The following IL1RAPL2 variants were observed in gnomAD, a reference collection of about 807,000 sequenced individuals.
The protein encoded by IL1RAPL2 is interleukin 1 receptor accessory protein like 2, also known as X-linked interleukin-1 receptor accessory protein-like 2.
A neutral mutation model predicts 44.1 loss-of-function variants in IL1RAPL2; 3 were observed. The ratio of observed to expected loss-of-function variants is 0.07; its 90% CI spans 0.03 to 0.18. The LOEUF (loss-of-function observed/expected upper bound fraction) is 0.18, where lower values mean the gene tolerates loss of function less well. Among genes scored for constraint, IL1RAPL2 ranks in the 10% least tolerant of loss-of-function variants. The probability of loss-of-function intolerance (pLI) is 1.00; values close to 1 mark genes in which losing one functional copy is unlikely to be tolerated. For missense variants in IL1RAPL2, 391 were observed against 496.4 expected, an observed-to-expected ratio of 0.79 and a Z score of 2.02; for synonymous variants, 181 against 178.8, an observed-to-expected ratio of 1.01 and a Z score of -0.10.
chrX:104,951,024 G>A (rs1333887515), intron 2 of IL1RAPL2, among the ~76,000 whole-genome samples: 1 of 111,916 alleles, frequency 8.9e-6, no homozygotes, highest in Non-Finnish European at 1.9e-5. Flanking sequence ...GCAATGCCTC[G>A]CCCTGCTTCG....
At chrX:105,177,723 C>T (rs770464653) in intron 2 of IL1RAPL2, among the ~76,000 whole-genome samples, 2 of 111,900 alleles carry the variant, frequency 1.8e-5, no homozygotes, top group Non-Finnish European at 3.8e-5. Context: ...GCTCTACTCC[C>T]TCTTTTAAGT....
intron 6 of IL1RAPL2, among the ~76,000 whole-genome samples, chrX:105,600,714 T>C (rs982353301): frequency 9.1e-6 from 1 of 109,633 alleles, no homozygotes; most frequent in Non-Finnish European, 1.9e-5. Context: ...TAATGAATAA[T>C]ATTTATATAG....
intron 2 of IL1RAPL2, among the ~76,000 whole-genome samples, chrX:104,914,506 ATTC>A (rs1429926659): frequency 3.6e-5 from 4 of 112,190 alleles, no homozygotes; most frequent in Admixed American, 1.9e-4. Context: ...CTGGAAAGAT[ATTC>A]TTCTATTGTT....
chrX:105,410,042 G>T lies in IL1RAPL2; in HGVS notation c.698-74271G>T, dbSNP rs781094066. Among the ~76,000 whole-genome samples the T allele has an allele frequency of 7.2e-5, 8 of 111,045 alleles. No homozygotes were observed. The South Asian group carries it at 3.1e-3, about 43-fold the overall frequency. On this transcript the variant is annotated intron_variant, in intron 5 of 10. Transcript: ENST00000372582. ...TTTGGTTTGAGCACCTGGATAAATG[G>T]AGGTGCCATTAATTAAGATAGCGGA...
At chrX:105,638,342 G>A (rs1386085331) in intron 6 of IL1RAPL2, among the ~76,000 whole-genome samples, 1 of 109,967 alleles carries the variant, frequency 9.1e-6, no homozygotes, top group African/African-American at 3.3e-5. Context: ...GTTCATAAAA[G>A]ACCACATGAT....
chrX:105,037,203 T>C (rs1029328476), intron 2 of IL1RAPL2, among the ~76,000 whole-genome samples: 1 of 111,490 alleles, frequency 9.0e-6, no homozygotes, highest in African/African-American at 3.3e-5. Context: ...CAGAATTGGT[T>C]GTTGAATGGA....
intron 6 of IL1RAPL2, among the ~76,000 whole-genome samples, chrX:105,587,864 C>T (rs1314921405): frequency 9.0e-6 from 1 of 110,890 alleles, no homozygotes; most frequent in Non-Finnish European, 1.9e-5. Flanking sequence ...CAGAATGAGA[C>T]TCTATCTCTA....
chrX:104,846,527 C>T (rs1234726302), intron 2 of IL1RAPL2, among the ~76,000 whole-genome samples: 6 of 111,538 alleles, frequency 5.4e-5, no homozygotes, highest in African/African-American at 2.0e-4. Flanking sequence ...GACATGAACT[C>T]ATCCTTTTTT....
intron 2 of IL1RAPL2, among the ~76,000 whole-genome samples, chrX:104,685,564 A>G (rs1930970779): frequency 9.0e-6 from 1 of 111,278 alleles, no homozygotes; most frequent in Non-Finnish European, 1.9e-5. Flanking sequence ...CAGTGAAGTT[A>G]TCTACTGGGC....
intron 5 of IL1RAPL2, among the ~76,000 whole-genome samples, chrX:105,411,330 G>A (rs1353202489): frequency 9.0e-6 from 1 of 111,416 alleles, no homozygotes; most frequent in Admixed American, 9.5e-5. Flanking sequence ...AACCTTGAAT[G>A]TAAATAGATT....
intron 5 of IL1RAPL2, among the ~76,000 whole-genome samples, chrX:105,462,331 T>A (rs1307797492): frequency 1.8e-5 from 2 of 111,438 alleles, no homozygotes; most frequent in African/African-American, 6.5e-5. Flanking sequence ...GAAGCCCATT[T>A]CATGAAATTG....
chrX:104,623,666 T>C (rs1929443865), intron 1 of IL1RAPL2, among the ~76,000 whole-genome samples: 1 of 111,147 alleles, frequency 9.0e-6, no homozygotes, highest in African/African-American at 3.3e-5. Context: ...ATTTTATTCC[T>C]GGAATTGGGA....
At chrX:104,798,723 C>T (rs148507601) in intron 2 of IL1RAPL2, among the ~76,000 whole-genome samples, 2 of 111,028 alleles carry the variant, frequency 1.8e-5, no homozygotes, top group African/African-American at 3.3e-5. Flanking sequence ...AGCCCATTTC[C>T]ATCTTCTTTC....
intron 2 of IL1RAPL2, among the ~76,000 whole-genome samples, chrX:104,935,774 C>G (rs1277926644): frequency 9.0e-6 from 1 of 111,634 alleles, no homozygotes. Flanking sequence ...CTTTCCAAGA[C>G]TGAAATTCAG....
At chrX:105,078,106 A>C (rs1176208795) in intron 2 of IL1RAPL2, among the ~76,000 whole-genome samples, 1 of 111,374 alleles carries the variant, frequency 9.0e-6, no homozygotes, top group Non-Finnish European at 1.9e-5. Flanking sequence ...GAGGAGAGGC[A>C]CTCTGATTTT....
chrX:105,705,184 CTAAT>C (rs1327507291), intron 6 of IL1RAPL2, among the ~76,000 whole-genome samples: 4 of 108,594 alleles, frequency 3.7e-5, no homozygotes, highest in African/African-American at 1.3e-4. Context: ...GGGGGGATGA[CTAAT>C]AAATAGATAG....
chrX:104,790,949 C>T (rs1932822428), intron 2 of IL1RAPL2, among the ~76,000 whole-genome samples: 1 of 111,585 alleles, frequency 9.0e-6, no homozygotes, highest in Non-Finnish European at 1.9e-5. Context: ...GCATAATGAC[C>T]ACGTGCCAGT....
chrX:105,078,774 T>C (rs1157343367), intron 2 of IL1RAPL2, among the ~76,000 whole-genome samples: 1 of 112,342 alleles, frequency 8.9e-6, no homozygotes, highest in Non-Finnish European at 1.9e-5. Flanking sequence ...TGCAGTTTGA[T>C]CTCAGACTGC....
At chrX:104,948,124 G>C (rs1414597734) in intron 2 of IL1RAPL2, among the ~76,000 whole-genome samples, 1 of 106,775 alleles carries the variant, frequency 9.4e-6, no homozygotes. Context: ...CCTTGAAGAG[G>C]TCCTTCACAT....
Sources: gnomAD v4.1 joint callset for allele counts (sites outside exome capture counted in the v4.1 genomes callset) on GRCh38, gnomAD v4.1.1 for gene constraint, MANE v1.5 for transcripts, NCBI Gene and HGNC (gene_info 2026-07-23, HGNC 2026-07-21) for gene names.